WWOX: variants seen among roughly 807,000 people sequenced by gnomAD.
WWOX encodes WW domain-containing oxidoreductase.
Under a neutral mutation model 46.2 loss-of-function variants are expected in WWOX, and 69 were observed. The ratio of observed to expected loss-of-function variants is 1.49; its 90% CI spans 1.23 to 1.82. WWOX has a LOEUF of 1.82. Ranked by LOEUF, WWOX falls within the 40% of genes most tolerant of loss-of-function variation. The pLI is 0.00. For missense variants in WWOX, 919 were observed against 542.6 expected, an observed-to-expected ratio of 1.69 and a Z score of -6.89; for synonymous variants, 359 against 202.6, an observed-to-expected ratio of 1.77 and a Z score of -6.56.
intron 8 of WWOX, among the ~76,000 whole-genome samples, chr16:79,115,455 C>A (rs112852267): frequency 5.2e-3 from 8 of 1,546 alleles, no homozygotes; most frequent in African/African-American, 0.037. Flanking sequence ...CCCACAGGTG[C>A]TGCTCTTGTT....
At chr16:78,874,988 G>C (rs1300726642) in intron 8 of WWOX, among the ~76,000 whole-genome samples, 2 of 152,130 alleles carry the variant, frequency 1.3e-5, no homozygotes, top group Admixed American at 6.5e-5. Context: ...ACATGCCTTT[G>C]AGGACTTGGC....
At chr16:78,195,903 A>C (rs868189822) in intron 5 of WWOX, among the ~76,000 whole-genome samples, 40 of 152,048 alleles carry the variant, frequency 2.6e-4, no homozygotes, top group Non-Finnish European at 4.3e-4. Flanking sequence ...TTCCGTTCCA[A>C]CTGGGCTTTT....
chr16:78,866,888 A>G (rs908756780), intron 8 of WWOX, among the ~76,000 whole-genome samples: 2 of 152,226 alleles, frequency 1.3e-5, no homozygotes, highest in African/African-American at 4.8e-5. Flanking sequence ...AGCCTGCAGC[A>G]TCAGGGCTGA....
At chr16:78,963,082 C>G (rs754750223) in intron 8 of WWOX, among the ~76,000 whole-genome samples, 1 of 152,128 alleles carries the variant, frequency 6.6e-6, no homozygotes, top group Admixed American at 6.5e-5. Flanking sequence ...ATATGCACCA[C>G]CTAGATTCTA....
At position 78,825,908 on chromosome 16, in the gene WWOX, G is replaced by A. The variant is rs2051640780; in HGVS notation, c.1057-385700G>A. ...TCTGCCTGACCACGTGAGCATCATG[G>A]AACCCAAAGATGAGGTAGTGCCCAC... On this transcript the variant is annotated intron_variant, in intron 8 of 8. Transcript: ENST00000566780. 5 of 711,782 alleles carry A rather than the reference G, an allele frequency of 7.0e-6. No homozygotes were observed. The Admixed American group carries it at 1.0e-4, about 15-fold the overall frequency. 44.1% of individuals were successfully genotyped at this position (711,782 alleles called of 1,614,324 possible).
At chr16:78,643,110 A>C (rs1222060399) in intron 8 of WWOX, among the ~76,000 whole-genome samples, 3 of 152,166 alleles carry the variant, frequency 2.0e-5, no homozygotes, top group Non-Finnish European at 2.9e-5. Flanking sequence ...GTTTACCTGA[A>C]CAGGCAGAAA....
At chr16:78,851,896 C>T (rs1190972739) in intron 8 of WWOX, among the ~76,000 whole-genome samples, 1 of 152,116 alleles carries the variant, frequency 6.6e-6, no homozygotes, top group African/African-American at 2.4e-5. Context: ...GAAATAATTT[C>T]ATTTAAACCC....
intron 5 of WWOX, chr16:78,355,725 A>T (rs1431986581): frequency 2.7e-6 from 2 of 730,784 alleles, no homozygotes; most frequent in East Asian, 3.6e-5. Context: ...ATAGAAATTG[A>T]TGAGGAAACA....
intron 8 of WWOX, among the ~76,000 whole-genome samples, chr16:78,612,297 T>C (rs575117248): frequency 6.6e-6 from 1 of 152,290 alleles, no homozygotes; most frequent in African/African-American, 2.4e-5. Context: ...TGTTGATTTC[T>C]AAAGGAGGTA....
At chr16:78,651,624 C>G (rs1056586685) in intron 8 of WWOX, among the ~76,000 whole-genome samples, 1 of 152,208 alleles carries the variant, frequency 6.6e-6, no homozygotes, top group Non-Finnish European at 1.5e-5. Context: ...TGCTATTGCT[C>G]ACACAGACCC....
intron 8 of WWOX, among the ~76,000 whole-genome samples, chr16:78,530,657 C>G (rs1033299602): frequency 1.3e-5 from 2 of 152,208 alleles, no homozygotes; most frequent in African/African-American, 4.8e-5. Context: ...TATGTTCTCA[C>G]TTTGGGCCAC....
intron 8 of WWOX, among the ~76,000 whole-genome samples, chr16:78,926,724 GAA>G (rs958349816): frequency 2.0e-5 from 3 of 152,178 alleles, no homozygotes; most frequent in Non-Finnish European, 2.9e-5. Context: ...ACTTGATGGA[GAA>G]AAGTCTTTCT....
chr16:78,543,486 T>A (rs572693844), intron 8 of WWOX, among the ~76,000 whole-genome samples: 66 of 152,358 alleles, frequency 4.3e-4, no homozygotes, highest in African/African-American at 1.5e-3. Context: ...CATTGCTTGG[T>A]CATTGCAGCT....
At chr16:79,201,524 G>A (rs993473158) in intron 8 of WWOX, among the ~76,000 whole-genome samples, 7 of 152,014 alleles carry the variant, frequency 4.6e-5, no homozygotes, top group Non-Finnish European at 8.8e-5. Context: ...ATTAAGTTTG[G>A]AAACTTCAAT....
At chr16:78,354,144 A>G (rs899714355) in intron 5 of WWOX, among the ~76,000 whole-genome samples, 11 of 152,172 alleles carry the variant, frequency 7.2e-5, no homozygotes, top group East Asian at 3.9e-4. Flanking sequence ...AGGAAAGACA[A>G]TGCAGCTTTG....
intron 8 of WWOX, among the ~76,000 whole-genome samples, chr16:79,012,579 T>G (rs2656660): frequency 0.65 from 98,515 of 151,968 alleles, 33,970 homozygotes; most frequent in East Asian, 0.85. Context: ...AATTTGAAGA[T>G]CCACATATGG....
In WWOX at chr16:79,185,034, A is replaced by C. The variant is rs35015606; in HGVS notation, c.1057-26574A>C. Among the ~76,000 whole-genome samples, 1,424 of 152,332 alleles carry C rather than the reference A, an allele frequency of 9.3e-3. 11 individuals carry two copies. The highest frequency in any genetic ancestry group is 0.029 in the South Asian group (139 of 4,820). ...AATCAGGAAACACACAAATAATTTG[A>C]TTAACGCTCACCTTCTGGTCCTTTT... On this transcript the variant is annotated intron_variant, in intron 8 of 8. Transcript: ENST00000566780.
At chr16:79,180,871 T>G (rs2050897662) in intron 8 of WWOX, among the ~76,000 whole-genome samples, 1 of 152,200 alleles carries the variant, frequency 6.6e-6, no homozygotes, top group African/African-American at 2.4e-5. Context: ...TTGCTACTGT[T>G]TCTAATTCCA....
intron 5 of WWOX, among the ~76,000 whole-genome samples, chr16:78,226,565 T>C (rs561784127): frequency 4.7e-5 from 7 of 148,178 alleles, no homozygotes; most frequent in Admixed American, 4.7e-4. Context: ...TCTTTTCCTT[T>C]CCTTCTTCTT....
Sources: gnomAD v4.1 joint callset for allele counts (sites outside exome capture counted in the v4.1 genomes callset) on GRCh38, gnomAD v4.1.1 for gene constraint, MANE v1.5 for transcripts, NCBI Gene and HGNC (gene_info 2026-07-23, HGNC 2026-07-21) for gene names.